Variants in GPC6 observed in about 807,000 individuals in gnomAD.
The protein encoded by GPC6 is glypican 6.
In GPC6, 14 loss-of-function variants were observed where a neutral mutation model predicts 55.2. The ratio of observed to expected loss-of-function variants is 0.25; its 90% CI spans 0.17 to 0.40. The LOEUF (loss-of-function observed/expected upper bound fraction) is 0.40. Among genes scored for constraint, GPC6 ranks in the 10% least tolerant of loss-of-function variants. GPC6 has a pLI of 1.00. For missense variants in GPC6, 641 were observed against 708.5 expected (o/e 0.90, Z 1.08); for synonymous variants, 278 against 259.6 (o/e 1.07, Z -0.68).
At chr13:94,028,823 A>G (rs879530434) in intron 4 of GPC6, among the ~76,000 whole-genome samples, 17 of 152,184 alleles carry the variant, frequency 1.1e-4, no homozygotes, top group Non-Finnish European at 2.5e-4. Flanking sequence ...AAGACAGTTC[A>G]CAAATTGCCA....
At chr13:93,522,484 A>C (rs1164576354) in intron 1 of GPC6, among the ~76,000 whole-genome samples, 1 of 151,980 alleles carries the variant, frequency 6.6e-6, no homozygotes, top group Non-Finnish European at 1.5e-5. Context: ...TGTTTATCTT[A>C]CATATGTATG....
At chr13:93,875,674 C>T (rs1889270413) in intron 3 of GPC6, among the ~76,000 whole-genome samples, 1 of 151,974 alleles carries the variant, frequency 6.6e-6, no homozygotes, top group South Asian at 2.1e-4. Flanking sequence ...AGAAAGAAAG[C>T]ATTTAGCTTA....
chr13:93,435,839 A>T (rs781216897), intron 1 of GPC6, among the ~76,000 whole-genome samples: 4 of 152,180 alleles, frequency 2.6e-5, no homozygotes, highest in Non-Finnish European at 5.9e-5. Context: ...AGCAGATTTC[A>T]TTGTTGGATT....
rs143533283 is a variant in GPC6 at position 94,053,572 on chromosome 13, C to T, written c.877+25678C>T. Among the ~76,000 whole-genome samples, 22 of 152,172 alleles carry T rather than the reference C, an allele frequency of 1.4e-4. No individual in the cohort carries two copies. In the East Asian group the frequency reaches 3.9e-3, roughly 27 times the overall value. ...AGTTCCTTAAATCTGACCCCCTGTC[C>T]GATTAACTGAGAACAATCACACTTG... On this transcript the variant is annotated intron_variant, in intron 4 of 8. Coordinates refer to ENST00000377047, the MANE Select transcript of GPC6 (RefSeq NM_005708.5).
rs1881231955 is a variant in GPC6 at position 93,990,144 on chromosome 13, G to A, written c.712-37585G>A. On this transcript the variant is annotated intron_variant, in intron 3 of 8. Transcript: ENST00000377047. Reference sequence around the variant, plus strand: ...TATGATAATATTTTATCATCTTAATGTTTTATGCTCAAATGAATTCTAGCA... The same window carrying A: ...TATGATAATATTTTATCATCTTAATATTTTATGCTCAAATGAATTCTAGCA... 3.3e-5 allele frequency among the ~76,000 whole-genome samples: 5 copies of A among 151,790 alleles called. 1 individual carries two copies. In the South Asian group the frequency reaches 1.0e-3, roughly 32 times the overall value.
intron 4 of GPC6, among the ~76,000 whole-genome samples, chr13:94,179,858 T>C (rs937071407): frequency 2.0e-5 from 3 of 152,002 alleles, no homozygotes; most frequent in African/African-American, 4.8e-5. Flanking sequence ...TGCAGGAAAA[T>C]GGAAAATGTG....
intron 1 of GPC6, among the ~76,000 whole-genome samples, chr13:93,364,674 T>C (rs1881175808): frequency 7.0e-6 from 1 of 142,674 alleles, no homozygotes; most frequent in African/African-American, 2.8e-5. Flanking sequence ...CACACAAATA[T>C]GTGTGTGTGT....
At chr13:93,572,224 A>T (rs568806164) in intron 2 of GPC6, among the ~76,000 whole-genome samples, 1 of 152,182 alleles carries the variant, frequency 6.6e-6, no homozygotes, top group African/African-American at 2.4e-5. Context: ...ACTAAAGGAT[A>T]TAGGTTGGGA....
intron 2 of GPC6, among the ~76,000 whole-genome samples, chr13:93,788,226 C>T (rs139549183): frequency 4.5e-4 from 69 of 152,162 alleles, no homozygotes; most frequent in African/African-American, 1.5e-3. Context: ...CAATATGGTG[C>T]GTTGATACTG....
At chr13:93,897,922 C>T (rs1253297431) in intron 3 of GPC6, among the ~76,000 whole-genome samples, 1 of 152,170 alleles carries the variant, frequency 6.6e-6, no homozygotes, top group African/African-American at 2.4e-5. Flanking sequence ...TCTATCCTCG[C>T]TTTGCTTTCA....
intron 4 of GPC6, among the ~76,000 whole-genome samples, chr13:94,219,163 T>C: frequency 6.6e-6 from 1 of 152,148 alleles, no homozygotes; most frequent in South Asian, 2.1e-4. Flanking sequence ...AAGAGTCGAC[T>C]GCTTTTCAAG....
In GPC6 at chr13:94,271,544, G is replaced by T. The variant is rs532711860; in HGVS notation, c.878-14805G>T. Among the ~76,000 whole-genome samples the T allele has an allele frequency of 5.9e-5, 9 of 151,946 alleles. No individual in the cohort carries two copies. The South Asian group carries it at 1.2e-3, about 21-fold the overall frequency. ...TAGCCCTTTACAACCTTGAGCCTTG[G>T]GCAAGTTATTTCCCTTCTAGGGTCT... On this transcript the variant is annotated intron_variant, in intron 4 of 8. Coordinates refer to ENST00000377047, the MANE Select transcript of GPC6 (RefSeq NM_005708.5).
intron 3 of GPC6, among the ~76,000 whole-genome samples, chr13:93,957,241 TTTTA>T (rs1879549529): frequency 6.6e-6 from 1 of 152,172 alleles, no homozygotes. Flanking sequence ...CCTCTGATGC[TTTTA>T]TTGTTATTTT....
chr13:93,595,022 T>C (rs756346248), intron 2 of GPC6, among the ~76,000 whole-genome samples: 72 of 152,172 alleles, frequency 4.7e-4, no homozygotes, highest in Non-Finnish European at 7.5e-4. Flanking sequence ...CCTTGTTTTT[T>C]AATCAAGCAA....
chr13:93,342,744 G>A (rs994811250), intron 1 of GPC6, among the ~76,000 whole-genome samples: 1 of 152,280 alleles, frequency 6.6e-6, no homozygotes, highest in Non-Finnish European at 1.5e-5. Context: ...TCTTACTGAG[G>A]GGGACTGGAT....
At chr13:93,985,677 GC>G (rs1880994509) in intron 3 of GPC6, among the ~76,000 whole-genome samples, 1 of 60,064 alleles carries the variant, frequency 1.7e-5, no homozygotes, top group Non-Finnish European at 3.0e-5. Flanking sequence ...AGGTGACAAA[GC>G]AAGACCTGGC....
intron 1 of GPC6, among the ~76,000 whole-genome samples, chr13:93,533,107 A>G (rs147926987): frequency 3.0e-4 from 45 of 152,312 alleles, no homozygotes; most frequent in African/African-American, 1.1e-3. Flanking sequence ...AGGATCATTT[A>G]TAATACCTCT....
intron 1 of GPC6, among the ~76,000 whole-genome samples, chr13:93,466,270 T>A (rs192561732): frequency 1.1e-4 from 16 of 152,302 alleles, no homozygotes; most frequent in Admixed American, 5.2e-4. Context: ...AAATGAAGCA[T>A]GCCTGTATAA....
intron 1 of GPC6, among the ~76,000 whole-genome samples, chr13:93,500,376 G>A (rs542895778): frequency 6.6e-6 from 1 of 152,256 alleles, no homozygotes; most frequent in Admixed American, 6.5e-5. Flanking sequence ...TAAATTTAGA[G>A]CTTCAGATCG....
Sources: gnomAD v4.1 joint callset for allele counts (sites outside exome capture counted in the v4.1 genomes callset) on GRCh38, gnomAD v4.1.1 for gene constraint, MANE v1.5 for transcripts, NCBI Gene and HGNC (gene_info 2026-07-23, HGNC 2026-07-21) for gene names.